GRIN2B: variants seen among roughly 807,000 people sequenced by gnomAD.
The protein encoded by GRIN2B is glutamate receptor ionotropic, NMDA 2B.
A neutral mutation model predicts 114.5 loss-of-function variants in GRIN2B; 5 were observed. The ratio of observed to expected loss-of-function variants is 0.04; its 90% confidence interval spans 0.02 to 0.09. GRIN2B has a LOEUF of 0.09. Among genes scored for constraint, GRIN2B ranks in the 10% least tolerant of loss-of-function variants. The probability of loss-of-function intolerance (pLI) is 1.00; values close to 1 mark genes in which losing one functional copy is unlikely to be tolerated. For synonymous variants in GRIN2B, 787 were observed against 745.1 expected (o/e 1.06, Z -0.92); for missense variants, 1,108 against 1,943.5 (o/e 0.57, Z 8.08).
intron 4 of GRIN2B, among the ~76,000 whole-genome samples, chr12:13,692,555 C>G (rs1420290257): frequency 2.0e-5 from 3 of 151,848 alleles, no homozygotes; most frequent in African/African-American, 7.3e-5. Flanking sequence ...CAAAGCTGTG[C>G]ACGTTAGGTG....
intron 3 of GRIN2B, among the ~76,000 whole-genome samples, chr12:13,789,400 G>A (rs192713476): frequency 9.2e-5 from 14 of 152,308 alleles, no homozygotes; most frequent in African/African-American, 3.4e-4. Context: ...ACTTGGATGA[G>A]GGAAAAGGAT....
In GRIN2B at chr12:13,585,174, G is replaced by C. The variant is rs532482718; in HGVS notation, c.2011-13210C>G. On this transcript the variant is annotated intron_variant, in intron 10 of 13. Transcript: ENST00000609686. ...CATGCAAGATTCCCAATGAATTTAGGGTTCTCCAGTTATTAGCACAATCAC... is the reference window on the plus strand; with the variant it reads ...CATGCAAGATTCCCAATGAATTTAGCGTTCTCCAGTTATTAGCACAATCAC... Among the ~76,000 whole-genome samples, 5 of 152,240 alleles carry C rather than the reference G, an allele frequency of 3.3e-5. No individual in the cohort carries two copies. The South Asian group carries it at 8.3e-4, about 25-fold the overall frequency.
chr12:13,640,420 G>T (rs1323992565), intron 5 of GRIN2B, among the ~76,000 whole-genome samples: 1 of 152,072 alleles, frequency 6.6e-6, no homozygotes, highest in African/African-American at 2.4e-5. Context: ...CCCTGCTATT[G>T]TTAAGCCTAT....
At chr12:13,957,787 G>A (rs1591640814) in intron 2 of GRIN2B, among the ~76,000 whole-genome samples, 1 of 152,180 alleles carries the variant, frequency 6.6e-6, no homozygotes, top group Non-Finnish European at 1.5e-5. Context: ...CCCATCTTGG[G>A]TGAGCTCCCA....
At chr12:13,578,878 T>A (rs1043047461) in intron 10 of GRIN2B, among the ~76,000 whole-genome samples, 1 of 151,440 alleles carries the variant, frequency 6.6e-6, no homozygotes, top group Middle Eastern at 3.4e-3. Context: ...GAACCAGACA[T>A]ACAAAGACAA....
At chr12:13,694,241 T>A (rs572599840) in intron 4 of GRIN2B, among the ~76,000 whole-genome samples, 6 of 152,198 alleles carry the variant, frequency 3.9e-5, no homozygotes, top group African/African-American at 1.4e-4. Context: ...GAGAACACCA[T>A]CATTTTCTGG....
intron 10 of GRIN2B, among the ~76,000 whole-genome samples, chr12:13,578,704 G>A (rs540618148): frequency 1.5e-4 from 23 of 152,262 alleles, no homozygotes; most frequent in Admixed American, 5.2e-4. Flanking sequence ...AATAGGTGAC[G>A]GAAACACAGA....
At chr12:13,657,132 C>A (rs1949873049) in intron 5 of GRIN2B, among the ~76,000 whole-genome samples, 1 of 152,122 alleles carries the variant, frequency 6.6e-6, no homozygotes, top group South Asian at 2.1e-4. Flanking sequence ...AGCTGACTGA[C>A]TGCAAAGAGT....
chr12:13,957,454 T>C (rs966211367), intron 2 of GRIN2B, among the ~76,000 whole-genome samples: 3 of 152,106 alleles, frequency 2.0e-5, no homozygotes, highest in African/African-American at 7.2e-5. Flanking sequence ...AAGCACCCAA[T>C]GAACTCATCT....
At chr12:13,867,640 T>C (rs1333160052) in intron 2 of GRIN2B, among the ~76,000 whole-genome samples, 6 of 152,226 alleles carry the variant, frequency 3.9e-5, no homozygotes, top group African/African-American at 1.4e-4. Context: ...CTGATCTTCA[T>C]GGACACTCTA....
intron 4 of GRIN2B, among the ~76,000 whole-genome samples, chr12:13,724,285 T>C (rs1425074854): frequency 6.6e-6 from 1 of 152,084 alleles, no homozygotes; most frequent in African/African-American, 2.4e-5. Flanking sequence ...GAGGAAATAG[T>C]TTACATACTG....
chr12:13,645,644 TA>T (rs1318420446), intron 5 of GRIN2B, among the ~76,000 whole-genome samples: 4 of 151,880 alleles, frequency 2.6e-5, no homozygotes, highest in Admixed American at 2.6e-4. Flanking sequence ...TTCAGAGAAA[TA>T]AACAATTTCT....
chr12:13,823,248 G>A (rs1463397302), intron 3 of GRIN2B, among the ~76,000 whole-genome samples: 1 of 152,048 alleles, frequency 6.6e-6, no homozygotes, highest in African/African-American at 2.4e-5. Flanking sequence ...TGAGTCTAAA[G>A]ATGAAGGTAA....
intron 3 of GRIN2B, among the ~76,000 whole-genome samples, chr12:13,788,251 C>A (rs940309326): frequency 1.3e-5 from 2 of 151,992 alleles, no homozygotes; most frequent in South Asian, 4.2e-4. Flanking sequence ...TGTTGAATTG[C>A]GGGGACAGAA....
chr12:13,680,059 G>C (rs890582384), intron 4 of GRIN2B, among the ~76,000 whole-genome samples: 1 of 152,030 alleles, frequency 6.6e-6, no homozygotes, highest in African/African-American at 2.4e-5. Context: ...GTGAATAAGT[G>C]TGATAACCAC....
At chr12:13,889,751 G>A (rs746688791) in intron 2 of GRIN2B, among the ~76,000 whole-genome samples, 14 of 152,214 alleles carry the variant, frequency 9.2e-5, no homozygotes, top group African/African-American at 1.9e-4. Context: ...ATGGATTTTC[G>A]CACTGGCAAA....
intron 4 of GRIN2B, among the ~76,000 whole-genome samples, chr12:13,681,149 A>C (rs1950128294): frequency 6.6e-6 from 1 of 152,172 alleles, no homozygotes; most frequent in South Asian, 2.1e-4. Flanking sequence ...GCCAACCAAC[A>C]GCCCTAGAAC....
At chr12:13,640,457 C>T (rs1170097078) in intron 5 of GRIN2B, among the ~76,000 whole-genome samples, 1 of 152,090 alleles carries the variant, frequency 6.6e-6, no homozygotes, top group Non-Finnish European at 1.5e-5. Context: ...ATCTTGCCTT[C>T]TGTCTGTTAT....
rs77299791 is a variant in GRIN2B at position 13,865,981 on chromosome 12, G to A, written c.228C>T (p.Thr76=). Residue 76 remains threonine, a synonymous_variant, in exon 3 of 14, where the codon ACC becomes ACT. Transcript: ENST00000609686. ...TGCGGGTGATGATGCTCTTTGGGTC[G>A]GTCTCATTCATGGCTACCAGTTCCA... ...PRVELVAMNE[T]DPKSIITRIC... The A allele has an allele frequency of 1.1e-3, 1,759 of 1,613,928 alleles. 1 individual carries two copies. Among genetic ancestry groups the A allele is most frequent in the Non-Finnish European group, 1.4e-3 (1,632 of 1,179,950 alleles).
Sources: gnomAD v4.1 joint callset for allele counts (sites outside exome capture counted in the v4.1 genomes callset) on GRCh38, gnomAD v4.1.1 for gene constraint, MANE v1.5 for transcripts, NCBI Gene and HGNC (gene_info 2026-07-23, HGNC 2026-07-21) for gene names.